ATG16L2: variants seen among roughly 807,000 people sequenced by gnomAD.
The protein encoded by ATG16L2 is protein Atg16l2.
In ATG16L2, 77 loss-of-function variants were observed where a neutral mutation model predicts 84.7. The ratio of observed to expected loss-of-function variants is 0.91; its 90% CI spans 0.76 to 1.10. The LOEUF (loss-of-function observed/expected upper bound fraction) is 1.10, where lower values mean the gene tolerates loss of function less well. Among genes scored for constraint, ATG16L2 ranks in the 50% least tolerant of loss-of-function variants. The pLI, the probability that ATG16L2 is intolerant of heterozygous loss-of-function variation, is 0.00. For synonymous variants in ATG16L2, 361 were observed against 342.8 expected (o/e 1.05, Z -0.59); for missense variants, 782 against 817.6 (o/e 0.96, Z 0.53).
chr11:72,819,692 C>T (rs1859871300), intron 3 of ATG16L2, among the ~76,000 whole-genome samples: 1 of 152,184 alleles, frequency 6.6e-6, no homozygotes. Flanking sequence ...CACACACCAG[C>T]CAGTACCCAT....
Position 72,822,853 on chromosome 11 carries a change from C to T in ATG16L2, c.716C>T (p.Pro239Leu), listed in dbSNP as rs772451287. The change falls in exon 7 of 18, where the codon CCG (proline) becomes CTG (leucine). Residue 239 changes from proline (P) to leucine (L), a missense_variant. By Grantham distance (98) the Pro-to-Leu change is moderately conservative (BLOSUM62 -3). Transcript: ENST00000321297. The surrounding 1 kb of genome is among the most constrained non-coding windows in gnomAD (Gnocchi z 4.2). ...AACTTCATTACCTCTCCTAGGGGCC[C>T]GGACACCCTAGGCGATGGGATGAGG... ...AKRTVSISEG[P>L]DTLGDGMRER... 3.8e-5 allele frequency: 59 copies of T among 1,557,218 alleles called. No individual in the cohort carries two copies. Among genetic ancestry groups the T allele is most frequent in the Non-Finnish European group, 4.9e-5 (56 of 1,150,188 alleles).
At position 72,829,381 on chromosome 11, in the gene ATG16L2, C is replaced by T. The variant is rs1860549505; in HGVS notation, c.1851C>T (p.Leu617=). ...TGGACCAGGGCAGGAAGGTTGTGCT[C>T]TGGCAGTAGGGCCACGACCTGCCTG... is the stretch of plus-strand genomic sequence containing the variant. ...VSVDQGRKVV[L]WQ Residue 617 remains leucine, a synonymous_variant, in exon 18 of 18, where the codon CTC becomes CTT. Transcript: ENST00000321297. The T allele has an allele frequency of 6.2e-7, 1 of 1,611,502 alleles. No individual in the cohort carries two copies. The highest frequency in any genetic ancestry group is 1.3e-5 in the African/African-American group (1 of 74,980).
At chr11:72,818,490 T>C (rs1859810078) in intron 3 of ATG16L2, 2 of 152,342 alleles carry the variant, frequency 1.3e-5, no homozygotes, top group Admixed American at 1.3e-4. Flanking sequence ...GAGCCTTCTT[T>C]TCTGAGCTTG....
chr11:72,825,602 G>T (rs1860302643), intron 10 of ATG16L2, among the ~76,000 whole-genome samples, 195 bp downstream of exon 10: 1 of 152,162 alleles, frequency 6.6e-6, no homozygotes, highest in Non-Finnish European at 1.5e-5. Flanking sequence ...GAGCCTCCTG[G>T]CTCCTAGGGT....
In ATG16L2 at chr11:72,828,445, G is replaced by A. The variant is rs1409331196; in HGVS notation, c.1559G>A (p.Cys520Tyr). Residue 520 changes from cysteine (C) to tyrosine (Y), a missense_variant, in exon 15 of 18, where the codon TGT becomes TAT. Transcript: ENST00000321297. ...CACGACCAACTGCACCTGCTCAGCTGTTCCCGAGACAACACACTCAAGGTC... is the reference window on the plus strand; with the variant it reads ...CACGACCAACTGCACCTGCTCAGCTATTCCCGAGACAACACACTCAAGGTC... The part of the protein sequence containing the change: ...LSHDQLHLLS[C>Y]SRDNTLKVID... The A allele has an allele frequency of 1.9e-6, 3 of 1,613,904 alleles. No homozygotes were observed. The highest frequency in any genetic ancestry group is 1.1e-5 in the South Asian group (1 of 91,084).
At chr11:72,828,314 CT>C in intron 14 of ATG16L2, 44 bp from the exon 15 acceptor site, 1 of 1,608,704 alleles carries the variant, frequency 6.2e-7, no homozygotes, top group Non-Finnish European at 8.5e-7. Flanking sequence ...CAGGAGTGGC[CT>C]GGCTAGGCTG....
rs755859265 is a variant in ATG16L2 at position 72,822,237 on chromosome 11, G to C, written c.586G>C (p.Val196Leu). Residue 196 changes from valine to leucine, a missense_variant, in exon 5 of 18, where the codon GTG becomes CTG. Coordinates refer to ENST00000321297, the MANE Select transcript of ATG16L2 (RefSeq NM_033388.2). The surrounding 1 kb of genome is among the most constrained non-coding windows in gnomAD (Gnocchi z 4.2). ...GGCGCGCGACCTGCTGGAGAGGCTC[G>C]TGCAGCGCAAGGCGCGCGCCGCGGC... ...EEARDLLERLVQRKARAAAER... is the reference protein window; with the variant it reads ...EEARDLLERLLQRKARAAAER... 7.0e-5 allele frequency: 105 copies of C among 1,495,004 alleles called. No homozygotes were observed. In the African/African-American group the frequency reaches 1.4e-3, roughly 21 times the overall value. The allele number at this position is 1,495,004 out of a possible 1,614,324, so 92.6% of individuals were successfully genotyped here. A position where few individuals can be genotyped will look rare whatever the true frequency, so the allele number is the denominator to read the frequency against.
chr11:72,814,472 C>A lies in ATG16L2; in HGVS notation c.27C>A (p.Ala9=), dbSNP rs1168745520. ...TGGCGGGGCCGGGCGTCCCCGGTGC[C>A]CCCGCAGCGCGCTGGAAACGCCACA... is the stretch of plus-strand genomic sequence containing the variant. MAGPGVPG[A]PAARWKRHIV... is the part of the protein sequence containing the mutation. Residue 9 remains alanine (A), a synonymous_variant, in exon 1 of 18, where the codon GCC becomes GCA. Coordinates refer to ENST00000321297, the MANE Select transcript of ATG16L2 (RefSeq NM_033388.2). The A allele has an allele frequency of 2.0e-6, 3 of 1,517,164 alleles. No homozygotes were observed. Among genetic ancestry groups the A allele is most frequent in the East Asian group, 5.3e-5 (2 of 37,952 alleles). 94.0% of individuals were successfully genotyped at this position (1,517,164 alleles called of 1,614,324 possible).
intron 5 of ATG16L2, chr11:72,841,008 T>C (rs778655386): frequency 7.2e-7 from 1 of 1,381,262 alleles, no homozygotes; most frequent in South Asian, 1.2e-5. Context: ...TGTTGAGCAA[T>C]AATGCTGATG....
chr11:72,828,364 C>A lies in ATG16L2; in HGVS notation c.1478C>A (p.Pro493His). Residue 493 changes from proline to histidine, a missense_variant, in exon 15 of 18, where the codon CCC becomes CAC. By Grantham distance (77) the Pro-to-His change is moderately conservative. Coordinates refer to ENST00000321297, the MANE Select transcript of ATG16L2 (RefSeq NM_033388.2). ...QKIRFWDSRG[P>H]HCTQVIPVQG... is the part of the protein sequence containing the mutation. Reference sequence around the variant, plus strand: ...TCTCTGTCCTTGTTCCTCAGGGGGCCCCACTGCACCCAGGTCATCCCTGTG... The same window carrying A: ...TCTCTGTCCTTGTTCCTCAGGGGGCACCACTGCACCCAGGTCATCCCTGTG... 6.2e-7 allele frequency: 1 copy of A among 1,614,058 alleles called. No individual in the cohort carries two copies. The highest frequency in any genetic ancestry group is 8.5e-7 in the Non-Finnish European group (1 of 1,179,958).
chr11:72,824,618 A>G lies in ATG16L2; in HGVS notation c.888-116A>G, dbSNP rs1591307764. 3 of 782,692 alleles carry G rather than the reference A, an allele frequency of 3.8e-6. No individual in the cohort carries two copies. The East Asian group carries it at 7.9e-5, about 21-fold the overall frequency. The allele number at this position is 782,692 out of a possible 1,614,324, so 48.5% of individuals were successfully genotyped here. A position where few individuals can be genotyped will look rare whatever the true frequency, so the allele number is the denominator to read the frequency against. On this transcript the variant is annotated intron_variant, in intron 8 of 17. Coordinates refer to ENST00000321297, the MANE Select transcript of ATG16L2 (RefSeq NM_033388.2). ...AATGCTCTCGCTGCTCCTTGGGGCC[A>G]TGTTCTGCCGCCTGCCATGTCTGCT...
At chr11:72,840,908 G>A in intron 5 of ATG16L2, 1 of 1,613,258 alleles carries the variant, frequency 6.2e-7, no homozygotes, top group Non-Finnish European at 8.5e-7. Context: ...GGTCTCAGGA[G>A]TATGCCTTGA....
chr11:72,821,709 G>C lies in ATG16L2; in HGVS notation c.360G>C (p.Thr120=), dbSNP rs1362512723. ...QVVEKGAALG[T]LESELQQRQS... Reference sequence around the variant, plus strand: ...TGGAGAAGGGCGCGGCCCTGGGCACGCTGGAGTCGGAGCTGCAGCAGAGGC... The same window carrying C: ...TGGAGAAGGGCGCGGCCCTGGGCACCCTGGAGTCGGAGCTGCAGCAGAGGC... The change falls in exon 4 of 18, where the codon ACG becomes ACC. Residue 120 remains threonine, a synonymous_variant. Transcript: ENST00000321297. The C allele has an allele frequency of 6.5e-6, 10 of 1,537,682 alleles. No homozygotes were observed. Among genetic ancestry groups the C allele is most frequent in the Middle Eastern group, 2.3e-4 (1 of 4,406 alleles).
chr11:72,822,091 C>T lies in ATG16L2; in HGVS notation c.440C>T (p.Ala147Val). The change falls in exon 5 of 18, where the codon GCG (alanine) becomes GTG (valine). Residue 147 changes from alanine (A) to valine (V), a missense_variant. Ala to Val is a moderately conservative substitution (Grantham distance 64). Transcript: ENST00000321297. This position sits in a 1 kb window ranked among gnomAD's most constrained non-coding sequence, Gnocchi z 4.2. ...ARVAQLREAR[A>V]QQAQQVEEWR... ...GTGGCGCAGCTGCGAGAGGCGCGGG[C>T]GCAGCAGGCCCAGCAGGTGGAGGAG... 6.5e-7 allele frequency: 1 copy of T among 1,540,206 alleles called. No individual in the cohort carries two copies. The highest frequency in any genetic ancestry group is 1.4e-5 in the African/African-American group (1 of 71,836).
chr11:72,820,788 T>C (rs1428271006), intron 3 of ATG16L2, among the ~76,000 whole-genome samples: 3 of 150,934 alleles, frequency 2.0e-5, no homozygotes, highest in Non-Finnish European at 4.4e-5. Flanking sequence ...CTTGTCACAC[T>C]GGTGGGAGCT....
chr11:72,838,150 G>T (rs1179836125), intron 5 of ATG16L2: 1 of 152,342 alleles, frequency 6.6e-6, no homozygotes, highest in Non-Finnish European at 1.5e-5. Flanking sequence ...GAATGGCACA[G>T]ATATTAATAC....
chr11:72,829,236 G>A (rs1265517804), intron 17 of ATG16L2, 67 bp from the exon 18 acceptor site: 51 of 1,549,796 alleles, frequency 3.3e-5, no homozygotes, highest in Middle Eastern at 1.7e-4. Context: ...TCCAGCAGTC[G>A]GGGCAGAGCC....
intron 5 of ATG16L2, chr11:72,838,263 C>G (rs1860794081): frequency 6.5e-6 from 1 of 153,352 alleles, no homozygotes; most frequent in Non-Finnish European, 1.5e-5. Flanking sequence ...TAAGGTTTCA[C>G]TTTCTCAGTC....
Position 72,828,938 on chromosome 11 carries a change from G to C in ATG16L2, c.1726G>C (p.Asp576His). Residue 576 changes from aspartate to histidine, a missense_variant, in exon 17 of 18, where the codon GAT becomes CAT. Coordinates refer to ENST00000321297, the MANE Select transcript of ATG16L2 (RefSeq NM_033388.2). ...GSCDGALYIW[D>H]VDTGKLESRL... ...CTGTGATGGGGCCCTTTACATCTGGGATGTGGACACCGGGAAACTGGAGAG... is the reference window on the plus strand; with the variant it reads ...CTGTGATGGGGCCCTTTACATCTGGCATGTGGACACCGGGAAACTGGAGAG... The C allele has an allele frequency of 6.2e-7, 1 of 1,614,178 alleles. No homozygotes were observed. The highest frequency in any genetic ancestry group is 1.1e-5 in the South Asian group (1 of 91,084).
Sources: allele counts gnomAD v4.1 joint callset (sites outside exome capture counted in the v4.1 genomes callset), GRCh38; gene constraint gnomAD v4.1.1; non-coding constraint Gnocchi (gnomAD v3.1); transcripts MANE v1.5; gene names NCBI Gene and HGNC (gene_info 2026-07-23, HGNC 2026-07-21).